The following CNTNAP4 variants were observed in gnomAD, a reference collection of about 807,000 sequenced individuals.
CNTNAP4 encodes the protein contactin associated protein family member 4, also known as contactin-associated protein-like 4.
A neutral mutation model predicts 148.4 loss-of-function variants in CNTNAP4; 98 were observed. The observed-to-expected ratio is 0.66, with a 90% CI of 0.56 to 0.78. CNTNAP4 has a LOEUF of 0.78. CNTNAP4 is among the 30% of genes least tolerant of loss of function. The probability of loss-of-function intolerance (pLI) is 0.00; values close to 1 mark genes in which losing one functional copy is unlikely to be tolerated. For synonymous variants in CNTNAP4, 730 were observed against 565.1 expected, an observed-to-expected ratio of 1.29 and a Z score of -4.14; for missense variants, 1,935 against 1,565.6, an observed-to-expected ratio of 1.24 and a Z score of -3.98.
intron 2 of CNTNAP4, among the ~76,000 whole-genome samples, chr16:76,332,701 T>G (rs1963646322): frequency 6.6e-6 from 1 of 151,236 alleles, no homozygotes; most frequent in African/African-American, 2.4e-5. Flanking sequence ...ATAGGTCTCT[T>G]AGATTCTGTT....
At chr16:76,295,346 A>G (rs1483864228) in intron 1 of CNTNAP4, among the ~76,000 whole-genome samples, 1 of 152,240 alleles carries the variant, frequency 6.6e-6, no homozygotes, top group Non-Finnish European at 1.5e-5. Flanking sequence ...TCCTGTAGGT[A>G]AAGCTAAGGA....
At chr16:76,443,942 C>T (rs540064784) in intron 4 of CNTNAP4, among the ~76,000 whole-genome samples, 1 of 152,036 alleles carries the variant, frequency 6.6e-6, no homozygotes. Flanking sequence ...GAAATCCAAA[C>T]GTATGTTTTC....
At position 76,355,458 on chromosome 16, in the gene CNTNAP4, T is replaced by C; in HGVS notation, c.337T>C (p.Phe113Leu). The change falls in exon 3 of 24, where the codon TTC (phenylalanine) becomes CTC (leucine). Residue 113 changes from phenylalanine (F) to leucine (L), a missense_variant. Physicochemically the swap from Phe to Leu is conservative, Grantham distance 22. Coordinates refer to ENST00000611870, the MANE Select transcript of CNTNAP4 (RefSeq NM_033401.5). ...SNWVTSYLLM[F>L]SDSGWNWKQY... is the part of the protein sequence containing the mutation. ...CTGGGTGACCAGCTACCTCCTGATG[T>C]TCAGTGATAGTGGCTGGAACTGGAA... The C allele has an allele frequency of 3.1e-6, 5 of 1,613,176 alleles. No homozygotes were observed. Among genetic ancestry groups the C allele is most frequent in the Non-Finnish European group, 4.2e-6 (5 of 1,179,570 alleles).
At chr16:76,485,367 T>C (rs1461454327) in intron 12 of CNTNAP4, among the ~76,000 whole-genome samples, 1 of 152,214 alleles carries the variant, frequency 6.6e-6, no homozygotes, top group African/African-American at 2.4e-5. Flanking sequence ...TCCGCCTGCC[T>C]CAGCCTCCCA....
intron 4 of CNTNAP4, 41 bp from the exon 5 acceptor site, chr16:76,447,971 A>G (rs1568206729): frequency 7.0e-7 from 1 of 1,427,750 alleles, no homozygotes; most frequent in Admixed American, 1.7e-5. Flanking sequence ...AATGGAAAAG[A>G]TATTTATCCT....
At chr16:76,320,049 G>A (rs921485145) in intron 2 of CNTNAP4, among the ~76,000 whole-genome samples, 1 of 152,162 alleles carries the variant, frequency 6.6e-6, no homozygotes, top group African/African-American at 2.4e-5. Flanking sequence ...AGAATTTTGA[G>A]GCACTTGATA....
At chr16:76,306,433 A>T (rs992288426) in intron 1 of CNTNAP4, among the ~76,000 whole-genome samples, 1 of 152,180 alleles carries the variant, frequency 6.6e-6, no homozygotes, top group African/African-American at 2.4e-5. Context: ...AACAAACAAA[A>T]TCCCACGTGA....
intron 15 of CNTNAP4, among the ~76,000 whole-genome samples, chr16:76,501,879 G>T (rs1436705238): frequency 1.3e-5 from 2 of 152,034 alleles, no homozygotes; most frequent in African/African-American, 4.8e-5. Context: ...GACCATCCCG[G>T]CTAAACGGTG....
Position 76,334,242 on chromosome 16 carries a change from A to AT in CNTNAP4, c.196+17728dup, listed in dbSNP as rs201591904. Among the ~76,000 whole-genome samples, 584 of 150,522 alleles carry AT rather than the reference A, an allele frequency of 3.9e-3. 4 individuals carry two copies. The highest frequency in any genetic ancestry group is 0.013 in the African/African-American group (545 of 41,012). ...TTGTCATGTATAGTCTTTGAGGTTT[A>AT]TTTTTTTTTCAGCTTGTGGGCAGGT... is the stretch of plus-strand genomic sequence containing the variant. On this transcript the variant is annotated intron_variant, in intron 2 of 23. Coordinates refer to ENST00000611870, the MANE Select transcript of CNTNAP4 (RefSeq NM_033401.5).
chr16:76,476,928 A>G (rs2081608074), intron 11 of CNTNAP4, among the ~76,000 whole-genome samples: 1 of 152,106 alleles, frequency 6.6e-6, no homozygotes, highest in Non-Finnish European at 1.5e-5. Context: ...AGGGTGGTAG[A>G]TAATGATTAA....
rs189535113 is a variant in CNTNAP4 at position 76,308,887 on chromosome 16, C to T, written c.86-7526C>T. ...TTGTCCAGGCTGGTGTGCAGTGGTG[C>T]GATCATAGCTCAGGGCAGCCTCGAA... On this transcript the variant is annotated intron_variant, in intron 1 of 23. Coordinates refer to ENST00000611870, the MANE Select transcript of CNTNAP4 (RefSeq NM_033401.5). Among the ~76,000 whole-genome samples the T allele has an allele frequency of 5.7e-3, 864 of 151,912 alleles. 5 individuals are homozygous for T. Among genetic ancestry groups the T allele is most frequent in the African/African-American group, 0.015 (612 of 41,404 alleles).
chr16:76,290,710 C>T (rs999814106), intron 1 of CNTNAP4, among the ~76,000 whole-genome samples: 2 of 152,208 alleles, frequency 1.3e-5, no homozygotes, highest in African/African-American at 4.8e-5. Context: ...TTCCTTTCCT[C>T]CATAAAAGCT....
At chr16:76,495,892 A>G (rs2143840531) in intron 14 of CNTNAP4, among the ~76,000 whole-genome samples, 1 of 152,214 alleles carries the variant, frequency 6.6e-6, no homozygotes, top group South Asian at 2.1e-4. Flanking sequence ...CTGTTAATGT[A>G]GGTCATAATT....
intron 7 of CNTNAP4, among the ~76,000 whole-genome samples, chr16:76,451,599 A>G (rs940038593): frequency 6.4e-5 from 9 of 141,362 alleles, no homozygotes; most frequent in East Asian, 2.1e-4. Context: ...TTTTAGATAG[A>G]TGTGTGTGTG....
intron 2 of CNTNAP4, among the ~76,000 whole-genome samples, chr16:76,320,088 C>A (rs190365567): frequency 6.6e-6 from 1 of 152,058 alleles, no homozygotes; most frequent in African/African-American, 2.4e-5. Context: ...TTGAAAAGAC[C>A]GTTGGTGTAA....
chr16:76,382,750 C>T (rs1408196116), intron 3 of CNTNAP4, among the ~76,000 whole-genome samples: 1 of 152,116 alleles, frequency 6.6e-6, no homozygotes, highest in East Asian at 1.9e-4. Context: ...ACTGAGGGCA[C>T]TAAATACCAC....
At chr16:76,473,906 C>G (rs370930037) in intron 10 of CNTNAP4, among the ~76,000 whole-genome samples, 3 of 150,724 alleles carry the variant, frequency 2.0e-5, no homozygotes, top group East Asian at 3.9e-4. Context: ...GCACTTAAAA[C>G]CTTTGTCTCT....
chr16:76,376,083 GAGTT>G (rs2015383138), intron 3 of CNTNAP4, among the ~76,000 whole-genome samples: 1 of 152,066 alleles, frequency 6.6e-6, no homozygotes, highest in South Asian at 2.1e-4. Flanking sequence ...GAGGAGGAGA[GAGTT>G]AGGGGGAGGG....
rs561700965 is a variant in CNTNAP4 at position 76,353,108 on chromosome 16, A to G, written c.197-2210A>G. 8.0e-4 allele frequency among the ~76,000 whole-genome samples: 122 copies of G among 152,302 alleles called. 1 individual carries two copies. The highest frequency in any genetic ancestry group is 4.3e-3 in the South Asian group (21 of 4,830). The stretch of plus-strand genomic sequence containing the variant: ...AATACAGAGAAAATTAAAAGTCAAA[A>G]CGCATAAACAAAACTTGTAGCATGT... On this transcript the variant is annotated intron_variant, in intron 2 of 23. Coordinates refer to ENST00000611870, the MANE Select transcript of CNTNAP4 (RefSeq NM_033401.5).
Sources: allele counts gnomAD v4.1 joint callset (sites outside exome capture counted in the v4.1 genomes callset), GRCh38; gene constraint gnomAD v4.1.1; transcripts MANE v1.5; gene names NCBI Gene and HGNC (gene_info 2026-07-23, HGNC 2026-07-21).